OPA1: variants seen among roughly 807,000 people sequenced by gnomAD.
OPA1 encodes OPA1 mitochondrial dynamin like GTPase.
A neutral mutation model predicts 152.9 loss-of-function variants in OPA1; 59 were observed. The ratio of observed to expected loss-of-function variants is 0.39; its 90% confidence interval spans 0.31 to 0.48. The LOEUF (loss-of-function observed/expected upper bound fraction) is 0.48. OPA1 is among the 20% of genes least tolerant of loss of function. The pLI, the probability that OPA1 is intolerant of heterozygous loss-of-function variation, is 0.96. For missense variants in OPA1, 1,008 were observed against 1,216.8 expected (o/e 0.83, Z 2.55); for synonymous variants, 400 against 389.9 (o/e 1.03, Z -0.31).
intron 8 of OPA1, among the ~76,000 whole-genome samples, chr3:193,632,513 C>G (rs1292260317): frequency 6.6e-6 from 1 of 151,984 alleles, no homozygotes; most frequent in Non-Finnish European, 1.5e-5. Flanking sequence ...ATTACTCAAT[C>G]ATCAGTTTTT....
chr3:193,690,364 A>G (rs901031426), intron 29 of OPA1, among the ~76,000 whole-genome samples: 3 of 130,808 alleles, frequency 2.3e-5, no homozygotes, highest in African/African-American at 8.6e-5. Context: ...TAATGCCTAG[A>G]ATAAGAAGTG....
At chr3:193,649,685 A>G (rs888310106) in intron 21 of OPA1, among the ~76,000 whole-genome samples, 2 of 152,156 alleles carry the variant, frequency 1.3e-5, no homozygotes, top group African/African-American at 4.8e-5. Flanking sequence ...GGTCTGTTTG[A>G]ATTCAGCATC....
intron 25 of OPA1, among the ~76,000 whole-genome samples, chr3:193,660,421 T>G (rs996039892): frequency 6.6e-6 from 1 of 152,208 alleles, no homozygotes; most frequent in Non-Finnish European, 1.5e-5. Context: ...CATTTTCTTT[T>G]CTTGTTTGCT....
At chr3:193,640,326 T>G (rs958092798) in intron 11 of OPA1, among the ~76,000 whole-genome samples, 4 of 151,966 alleles carry the variant, frequency 2.6e-5, no homozygotes, top group Middle Eastern at 6.8e-3. Flanking sequence ...ACCAGTATAG[T>G]AAGAGGGAAA....
chr3:193,645,768 A>G lies in OPA1; in HGVS notation c.1722A>G (p.Glu574=). 4 of 1,613,592 alleles carry G rather than the reference A, an allele frequency of 2.5e-6. No individual in the cohort carries two copies. The highest frequency in any genetic ancestry group is 3.4e-6 in the Non-Finnish European group (4 of 1,179,690). Residue 574 remains glutamate, a synonymous_variant, in exon 18 of 31, where the codon GAA becomes GAG. Coordinates refer to ENST00000361510, the MANE Select transcript of OPA1 (RefSeq NM_130837.3). ...GCATTGAAGCTATAAGAGAATATGA[A>G]GAAGAGTTTTTTCAGAATTCAAAGC... is the stretch of plus-strand genomic sequence containing the variant. ...SESIEAIREY[E]EEFFQNSKLL... is the part of the protein sequence containing the mutation.
At position 193,666,772 on chromosome 3, in the gene OPA1, AGAGT is replaced by A. The variant is rs1228729863; in HGVS notation, c.2872+384_2872+387del. Among the ~76,000 whole-genome samples the A allele has an allele frequency of 3.9e-5, 6 of 152,276 alleles. No homozygotes were observed. The South Asian group carries it at 6.2e-4, about 16-fold the overall frequency. ...ACTACTGCACTCTAGCCTAGGTGAC[AGAGT>A]AAGACCTTGTCTCTTTAAAAAAAAA... On this transcript the variant is annotated intron_variant, in intron 28 of 30. Transcript: ENST00000361510.
intron 29 of OPA1, among the ~76,000 whole-genome samples, chr3:193,673,840 T>C (rs972704765): frequency 6.6e-6 from 1 of 152,228 alleles, no homozygotes; most frequent in African/African-American, 2.4e-5. Context: ...GGGCTACCAT[T>C]GTACAGGCCT....
chr3:193,665,825 A>G (rs1172486927), intron 27 of OPA1, among the ~76,000 whole-genome samples: 1 of 152,190 alleles, frequency 6.6e-6, no homozygotes, highest in Admixed American at 6.5e-5. Context: ...AAACTTCTGT[A>G]GAAACTGCCT....
chr3:193,684,695 C>T (rs1560075039), intron 29 of OPA1, among the ~76,000 whole-genome samples: 1 of 152,062 alleles, frequency 6.6e-6, no homozygotes, highest in Non-Finnish European at 1.5e-5. Flanking sequence ...ATGTGATCCA[C>T]CCGCCTCGGC....
rs1056941682 is a variant in OPA1, at chr3:193,668,838, T to A, written c.2983+1558T>A. ...GTAGGTTCCTAGCTTTAAGATAGGA[T>A]TGCATACTAAAATTTACTTAGATCT... On this transcript the variant is annotated intron_variant, in intron 29 of 30. Transcript: ENST00000361510. 1.5e-5 allele frequency: 17 copies of A among 1,098,054 alleles called. No homozygotes were observed. In the African/African-American group the frequency reaches 2.8e-4, roughly 18 times the overall value. The allele number at this position is 1,098,054 out of a possible 1,614,324, so 68.0% of individuals were successfully genotyped here.
rs1733190904 is a variant in OPA1 at position 193,637,932 on chromosome 3, G to A, written c.1036-20G>A. 3 of 1,577,982 alleles carry A rather than the reference G, an allele frequency of 1.9e-6. No homozygotes were observed. In the East Asian group the frequency reaches 6.7e-5, roughly 35 times the overall value. Reference sequence around the variant, plus strand: ...TGGTATCAGAAAAATATGAATAAGTGTTCTTTGTTTTGTGGGAAGGTTGTT... The same window carrying A: ...TGGTATCAGAAAAATATGAATAAGTATTCTTTGTTTTGTGGGAAGGTTGTT... On this transcript the variant is annotated intron_variant, in intron 10 of 30. Transcript: ENST00000361510.
chr3:193,658,386 A>G (rs1020665133), intron 23 of OPA1, among the ~76,000 whole-genome samples: 2 of 152,180 alleles, frequency 1.3e-5, no homozygotes, highest in African/African-American at 2.4e-5. Context: ...ACTGTAATAA[A>G]TAACTTTTAT....
Position 193,645,438 on chromosome 3 carries a change from GATTT to G in OPA1, c.1609-109_1609-106del, listed in dbSNP as rs1262347494. ...AAAACATTTTAAATGCTTTTGTGCA[GATTT>G]ATTTAACTATATACATGTATAGCAT... On this transcript the variant is annotated intron_variant, in intron 16 of 30. Coordinates refer to ENST00000361510, the MANE Select transcript of OPA1 (RefSeq NM_130837.3). 32 of 703,548 alleles carry G rather than the reference GATTT, an allele frequency of 4.5e-5. No individual in the cohort carries two copies. The African/African-American group carries it at 4.7e-4, about 10-fold the overall frequency. The allele number at this position is 703,548 out of a possible 1,614,324, so 43.6% of individuals were successfully genotyped here. A position where few individuals can be genotyped will look rare whatever the true frequency, so the allele number is the denominator to read the frequency against.
intron 6 of OPA1, among the ~76,000 whole-genome samples, chr3:193,622,982 T>C (rs944284841): frequency 6.6e-6 from 1 of 152,356 alleles, no homozygotes; most frequent in Non-Finnish European, 1.5e-5. Context: ...AAGTAGTTCA[T>C]GTACTTGATA....
chr3:193,662,762 G>C (rs1715598937), intron 25 of OPA1, 60 bp from the exon 26 acceptor site: 1 of 1,438,240 alleles, frequency 7.0e-7, no homozygotes, highest in Non-Finnish European at 9.7e-7. Flanking sequence ...AATTGAGACT[G>C]TTTTTCAAGC....
intron 29 of OPA1, among the ~76,000 whole-genome samples, chr3:193,674,729 C>T (rs1718608021): frequency 6.6e-6 from 1 of 152,222 alleles, no homozygotes; most frequent in Non-Finnish European, 1.5e-5. Context: ...AGTGACTTCA[C>T]ATTCCGACAC....
At chr3:193,610,777 A>T (rs1025799830) in intron 1 of OPA1, among the ~76,000 whole-genome samples, 1 of 152,172 alleles carries the variant, frequency 6.6e-6, no homozygotes, top group Non-Finnish European at 1.5e-5. Context: ...TTGCAGTTTG[A>T]TCTCAGACTG....
intron 8 of OPA1, among the ~76,000 whole-genome samples, chr3:193,634,625 C>T (rs7645045): frequency 6.6e-6 from 1 of 152,128 alleles, no homozygotes; most frequent in African/African-American, 2.4e-5. Context: ...GGCCAGAATG[C>T]TCTCGATCTC....
chr3:193,640,754 T>C (rs1733663169), intron 11 of OPA1, among the ~76,000 whole-genome samples: 1 of 152,146 alleles, frequency 6.6e-6, no homozygotes, highest in Admixed American at 6.5e-5. Flanking sequence ...GTTTTTTTCA[T>C]GTTTAGCTGG....
Sources: gnomAD v4.1 joint callset for allele counts (sites outside exome capture counted in the v4.1 genomes callset) on GRCh38, gnomAD v4.1.1 for gene constraint, MANE v1.5 for transcripts, NCBI Gene and HGNC (gene_info 2026-07-23, HGNC 2026-07-21) for gene names.